HSPA4L: variants seen among roughly 807,000 people sequenced by gnomAD.
HSPA4L encodes the protein heat shock 70 kDa protein 4L.
A neutral mutation model predicts 100.3 loss-of-function variants in HSPA4L; 48 were observed. The ratio of observed to expected loss-of-function variants is 0.48; its 90% confidence interval spans 0.38 to 0.61. HSPA4L has a LOEUF of 0.61. Among genes scored for constraint, HSPA4L ranks in the 20% least tolerant of loss-of-function variants. The pLI, the probability that HSPA4L is intolerant of heterozygous loss-of-function variation, is 0.00. For synonymous variants in HSPA4L, 319 were observed against 328.2 expected (o/e 0.97, Z 0.30); for missense variants, 886 against 988.6 (o/e 0.90, Z 1.39).
chr4:127,790,273 G>C (rs1732836734), intron 1 of HSPA4L, among the ~76,000 whole-genome samples: 1 of 152,122 alleles, frequency 6.6e-6, no homozygotes, highest in South Asian at 2.1e-4. Context: ...GCCTAGTATT[G>C]AAAAATTAGA....
intron 11 of HSPA4L, among the ~76,000 whole-genome samples, chr4:127,810,317 G>A (rs1733488646): frequency 6.6e-6 from 1 of 152,058 alleles, no homozygotes. Flanking sequence ...AATATTTCAA[G>A]GATATTATAT....
chr4:127,817,781 ATCTTTTTCATTTTAT>A (rs1733706200), intron 12 of HSPA4L, among the ~76,000 whole-genome samples: 1 of 152,122 alleles, frequency 6.6e-6, no homozygotes, highest in South Asian at 2.1e-4. Context: ...TAGATTTTGT[ATCTTTTTCATTTTAT>A]TTTCTTGTGT....
chr4:127,813,502 T>C, intron 12 of HSPA4L: 1 of 233,742 alleles, frequency 4.3e-6, no homozygotes, highest in Non-Finnish European at 8.2e-6. Context: ...ATTAACATAA[T>C]AATTGGTGAA....
Position 127,833,141 on chromosome 4 carries a change from A to T in HSPA4L, c.*267A>T, listed in dbSNP as rs532675997. ...TATCAAACATACAGGATGGATACAT[A>T]GTTGGCAACAGTCTACCTTATTTAA... On this transcript the variant is annotated 3_prime_UTR_variant, in exon 19 of 19. Coordinates refer to ENST00000296464, the MANE Select transcript of HSPA4L (RefSeq NM_014278.4). 1 of 277,430 alleles carries T rather than the reference A, an allele frequency of 3.6e-6. No homozygotes were observed. Among genetic ancestry groups the T allele is most frequent in the African/African-American group, 2.2e-5 (1 of 46,082 alleles). The allele number at this position is 277,430 out of a possible 1,614,324, so 17.2% of individuals were successfully genotyped here. A position where few individuals can be genotyped will look rare whatever the true frequency, so the allele number is the denominator to read the frequency against.
At position 127,826,030 on chromosome 4, in the gene HSPA4L, A is replaced by C. The variant is rs567395359; in HGVS notation, c.2047-1275A>C. Reference sequence around the variant, plus strand: ...TTCCTATTATGGATTCTTCTGCTTCAAATATGTAAGTAGCCATAGAAATGA... The same window carrying C: ...TTCCTATTATGGATTCTTCTGCTTCCAATATGTAAGTAGCCATAGAAATGA... On this transcript the variant is annotated intron_variant, in intron 16 of 18. Coordinates refer to ENST00000296464, the MANE Select transcript of HSPA4L (RefSeq NM_014278.4). 2.8e-4 allele frequency among the ~76,000 whole-genome samples: 43 copies of C among 152,250 alleles called. 1 individual carries two copies. The highest frequency in any genetic ancestry group is 1.0e-3 in the African/African-American group (43 of 41,536).
intron 4 of HSPA4L, 40 bp downstream of exon 4, chr4:127,798,749 T>TATATA (rs755391100): frequency 1.3e-6 from 2 of 1,587,856 alleles, no homozygotes; most frequent in Non-Finnish European, 1.7e-6. Flanking sequence ...TGAATTATAT[T>TATATA]TTACAGTGTA....
intron 1 of HSPA4L, among the ~76,000 whole-genome samples, chr4:127,790,718 T>G (rs1732850800): frequency 6.6e-6 from 1 of 152,244 alleles, no homozygotes; most frequent in African/African-American, 2.4e-5. Context: ...GAAAATTTTC[T>G]GTCTCATTGA....
chr4:127,788,715 G>A (rs1732786487), intron 1 of HSPA4L, among the ~76,000 whole-genome samples: 2 of 152,158 alleles, frequency 1.3e-5, no homozygotes, highest in African/African-American at 4.8e-5. Context: ...CTAAAGAGGA[G>A]GTACTACTGG....
At chr4:127,809,122 G>C in intron 11 of HSPA4L, 1 of 670,894 alleles carries the variant, frequency 1.5e-6, no homozygotes, top group Non-Finnish European at 2.7e-6. Context: ...AGGTGATTGT[G>C]AAGTGCTCAC....
intron 17 of HSPA4L, among the ~76,000 whole-genome samples, 193 bp downstream of exon 17, chr4:127,827,617 A>G (rs1733979834): frequency 6.6e-6 from 1 of 152,132 alleles, no homozygotes; most frequent in African/African-American, 2.4e-5. Flanking sequence ...TTTGAAATAC[A>G]GTAAAGGTAT....
intron 18 of HSPA4L, 94 bp from the exon 19 acceptor site, chr4:127,832,589 T>C (rs866038298): frequency 8.4e-6 from 9 of 1,076,864 alleles, no homozygotes; most frequent in South Asian, 3.5e-5. Context: ...GGGGGAATTA[T>C]GTGAAAATTT....
rs192321043 is a variant in HSPA4L at position 127,800,139 on chromosome 4, G to A, written c.430-999G>A. On this transcript the variant is annotated intron_variant, in intron 4 of 18. Transcript: ENST00000296464. Reference sequence around the variant, plus strand: ...ATACGTACATCTTTATACATTTTAAGACTGAGTTTAATTTTTAAATAGAGA... The same window carrying A: ...ATACGTACATCTTTATACATTTTAAAACTGAGTTTAATTTTTAAATAGAGA... Among the ~76,000 whole-genome samples, 5 of 152,232 alleles carry A rather than the reference G, an allele frequency of 3.3e-5. 1 individual carries two copies. The highest frequency in any genetic ancestry group is 6.5e-5 in the Admixed American group (1 of 15,282).
At position 127,782,516 on chromosome 4, in the gene HSPA4L, G is replaced by A; in HGVS notation, c.-35G>A. 6.5e-7 allele frequency: 1 copy of A among 1,538,902 alleles called. No individual in the cohort carries two copies. The highest frequency in any genetic ancestry group is 9.0e-7 in the Non-Finnish European group (1 of 1,111,446). On this transcript the variant is annotated 5_prime_UTR_variant, in exon 1 of 19. Coordinates refer to ENST00000296464, the MANE Select transcript of HSPA4L (RefSeq NM_014278.4). ...GAGGACACGGTTCCCGTACCGAAGG[G>A]TTCAGTACCAGCAGCCCGACCATCA...
chr4:127,830,544 A>C, intron 17 of HSPA4L, 94 bp from the exon 18 acceptor site: 1 of 923,032 alleles, frequency 1.1e-6, no homozygotes. Context: ...TATACAGTCA[A>C]TAAGAGTCTA....
chr4:127,823,065 A>G (rs1285909294), intron 15 of HSPA4L, among the ~76,000 whole-genome samples, 171 bp downstream of exon 15: 1 of 152,212 alleles, frequency 6.6e-6, no homozygotes, highest in African/African-American at 2.4e-5. Flanking sequence ...TGAAAAACAT[A>G]TTTTTGAATA....
chr4:127,832,919 A>G lies in HSPA4L; in HGVS notation c.*45A>G. 7.2e-7 allele frequency: 1 copy of G among 1,396,392 alleles called. No homozygotes were observed. The highest frequency in any genetic ancestry group is 9.8e-7 in the Non-Finnish European group (1 of 1,020,254). The allele number at this position is 1,396,392 out of a possible 1,614,324, so 86.5% of individuals were successfully genotyped here. A position where few individuals can be genotyped will look rare whatever the true frequency, so the allele number is the denominator to read the frequency against. ...ATTAATTCAAACCGTGCAAGTAACC[A>G]CGGGGTCCATCTTTTACATCTGGTA... On this transcript the variant is annotated 3_prime_UTR_variant, in exon 19 of 19. Transcript: ENST00000296464.
At chr4:127,822,632 C>T (rs2148797116) in intron 14 of HSPA4L, 137 bp from the exon 15 acceptor site, 1 of 811,908 alleles carries the variant, frequency 1.2e-6, no homozygotes, top group East Asian at 2.8e-5. Flanking sequence ...AAGGGTTTCA[C>T]TTTCTCCACA....
chr4:127,806,257 T>C (rs1733354500), intron 10 of HSPA4L, among the ~76,000 whole-genome samples: 2 of 152,098 alleles, frequency 1.3e-5, no homozygotes, highest in South Asian at 4.1e-4. Flanking sequence ...ACAGTAACTG[T>C]TTTTTCAATA....
intron 1 of HSPA4L, among the ~76,000 whole-genome samples, chr4:127,786,260 C>T (rs1441373869): frequency 6.6e-6 from 1 of 152,114 alleles, no homozygotes; most frequent in African/African-American, 2.4e-5. Flanking sequence ...CTGTTTCAGG[C>T]CTCTCTGACC....
Sources: gnomAD v4.1 joint callset for allele counts (sites outside exome capture counted in the v4.1 genomes callset) on GRCh38, gnomAD v4.1.1 for gene constraint, MANE v1.5 for transcripts, NCBI Gene and HGNC (gene_info 2026-07-23, HGNC 2026-07-21) for gene names.